Variants in MFHAS1 observed in about 807,000 individuals in gnomAD.
The protein encoded by MFHAS1 is multifunctional ROCO family signaling regulator 1, also known as malignant fibrous histiocytoma-amplified sequence 1.
In MFHAS1, 50 loss-of-function variants were observed where a neutral mutation model predicts 70.4. That is an observed-to-expected ratio of 0.71 (90% CI 0.57 to 0.90). The LOEUF is 0.90. Ranked by LOEUF, MFHAS1 falls within the 40% of genes least tolerant of loss-of-function variation. The pLI is 0.00. For synonymous variants in MFHAS1, 952 were observed against 620.0 expected (o/e 1.54, Z -7.96); for missense variants, 1,795 against 1,347.6 (o/e 1.33, Z -5.20).
chr8:8,828,137 G>A lies in MFHAS1; in HGVS notation c.2999-30646C>T, dbSNP rs564371392. ...TGACATATGCCCTACCTTCGAGAAT[G>A]TTTCAGTGAATGATGCTGATGCAAA... is the stretch of plus-strand genomic sequence containing the variant. On this transcript the variant is annotated intron_variant, in intron 1 of 2. Coordinates refer to ENST00000276282, the MANE Select transcript of MFHAS1 (RefSeq NM_004225.3). 7.8e-4 allele frequency among the ~76,000 whole-genome samples: 118 copies of A among 152,222 alleles called. 2 individuals carry two copies. The highest frequency in any genetic ancestry group is 2.1e-3 in the African/African-American group (88 of 41,530).
intron 1 of MFHAS1, among the ~76,000 whole-genome samples, chr8:8,817,362 C>T (rs987027975): frequency 1.3e-5 from 2 of 152,178 alleles, no homozygotes; most frequent in African/African-American, 2.4e-5. Context: ...AGAGGTAATT[C>T]GCTTAATAAA....
At chr8:8,833,342 G>A (rs1227665734) in intron 1 of MFHAS1, among the ~76,000 whole-genome samples, 1 of 152,204 alleles carries the variant, frequency 6.6e-6, no homozygotes, top group Non-Finnish European at 1.5e-5. Context: ...TATAAAGCTA[G>A]ACATGGGCTG....
In MFHAS1 at chr8:8,892,305, A is replaced by T. The variant is rs762136884; in HGVS notation, c.754T>A (p.Leu252Met). 1.2e-5 allele frequency: 19 copies of T among 1,611,984 alleles called. No homozygotes were observed. The highest frequency in any genetic ancestry group is 3.3e-4 in the Middle Eastern group (2 of 6,076). The change falls in exon 1 of 3, where the codon TTG becomes ATG. Residue 252 changes from leucine (L) to methionine (M), a missense_variant. Physicochemically the swap from Leu to Met is conservative, Grantham distance 15 (BLOSUM62 2). Transcript: ENST00000276282. This position sits in a 1 kb window ranked among gnomAD's most constrained non-coding sequence, Gnocchi z 4.7. The part of the protein sequence containing the change: ...LPAGFCELAS[L>M]ESLMLDNNGL... ...TTGTTGTCTAGCATGAGGCTCTCCA[A>T]ACTGGCCAGCTCGCAGAAGCCGGCG...
chr8:8,803,106 T>A (rs1585023545), intron 1 of MFHAS1, among the ~76,000 whole-genome samples: 1 of 152,312 alleles, frequency 6.6e-6, no homozygotes, highest in Non-Finnish European at 1.5e-5. Context: ...GGATGTTGCA[T>A]TCTTCCTGTG....
intron 1 of MFHAS1, among the ~76,000 whole-genome samples, chr8:8,836,821 C>T (rs1807613514): frequency 6.6e-6 from 1 of 152,160 alleles, no homozygotes. Context: ...ATTCTGATTC[C>T]CTTTCCCATC....
chr8:8,791,355 C>T (rs1056765814), intron 2 of MFHAS1, among the ~76,000 whole-genome samples: 2 of 152,102 alleles, frequency 1.3e-5, no homozygotes, highest in Non-Finnish European at 2.9e-5. Flanking sequence ...GAATGTGGGT[C>T]GCATTCCAGT....
intron 1 of MFHAS1, among the ~76,000 whole-genome samples, chr8:8,830,485 T>C (rs1161804364): frequency 3.3e-5 from 5 of 152,188 alleles, no homozygotes; most frequent in Admixed American, 3.3e-4. Flanking sequence ...GGTTATTAAA[T>C]TTAAATAGGA....
intron 2 of MFHAS1, among the ~76,000 whole-genome samples, chr8:8,790,650 C>A (rs562247545): frequency 6.6e-6 from 1 of 152,260 alleles, no homozygotes; most frequent in South Asian, 2.1e-4. Context: ...CCATCCTCAC[C>A]CTCTATATTT....
chr8:8,865,569 G>A (rs142812474), intron 1 of MFHAS1, among the ~76,000 whole-genome samples: 45 of 152,264 alleles, frequency 3.0e-4, no homozygotes, highest in Admixed American at 1.0e-3. Flanking sequence ...AGCAACAGAT[G>A]ACACTTGACA....
intron 1 of MFHAS1, among the ~76,000 whole-genome samples, chr8:8,840,863 T>G (rs1224470554): frequency 6.6e-6 from 1 of 152,202 alleles, no homozygotes; most frequent in Non-Finnish European, 1.5e-5. Context: ...CTTTTTAAAG[T>G]ACTACAGGAT....
chr8:8,813,475 C>A (rs906209126), intron 1 of MFHAS1, among the ~76,000 whole-genome samples: 9 of 152,200 alleles, frequency 5.9e-5, no homozygotes, highest in South Asian at 2.1e-4. Flanking sequence ...TCTTCCAGTG[C>A]GACAAGATGT....
chr8:8,800,624 G>A (rs566338730), intron 1 of MFHAS1, among the ~76,000 whole-genome samples: 1 of 152,134 alleles, frequency 6.6e-6, no homozygotes, highest in African/African-American at 2.4e-5. Flanking sequence ...TCTTACTTCT[G>A]AGACTGCCCT....
At chr8:8,877,313 A>AAAAAAAC (rs1809335847) in intron 1 of MFHAS1, among the ~76,000 whole-genome samples, 1 of 151,374 alleles carries the variant, frequency 6.6e-6, no homozygotes, top group Non-Finnish European at 1.5e-5. Flanking sequence ...AAAAAAAAAA[A>AAAAAAAC]AAAAAAACTA....
chr8:8,796,953 A>G (rs112055296), intron 2 of MFHAS1, among the ~76,000 whole-genome samples: 31,890 of 148,280 alleles, frequency 0.22, 3,720 homozygotes, highest in African/African-American at 0.3. Context: ...CCGAGATCGC[A>G]CCACTGCACT....
intron 1 of MFHAS1, among the ~76,000 whole-genome samples, chr8:8,819,769 G>A (rs1806884538): frequency 1.3e-5 from 2 of 152,110 alleles, no homozygotes; most frequent in African/African-American, 4.8e-5. Flanking sequence ...TATGATCACA[G>A]CTCATTGCAG....
At chr8:8,822,048 A>C (rs1806975240) in intron 1 of MFHAS1, 1 of 152,312 alleles carries the variant, frequency 6.6e-6, no homozygotes, top group African/African-American at 2.4e-5. Context: ...ACGAGATGCT[A>C]TACGCAAGTG....
chr8:8,832,054 G>A (rs1352065298), intron 1 of MFHAS1, among the ~76,000 whole-genome samples: 6,431 of 112,568 alleles, frequency 0.057, 177 homozygotes, highest in Middle Eastern at 0.077. Flanking sequence ...ATGCACGCGC[G>A]CGCGCGCGCA....
chr8:8,884,537 C>A (rs919351608), intron 1 of MFHAS1, among the ~76,000 whole-genome samples: 4 of 152,100 alleles, frequency 2.6e-5, no homozygotes, highest in African/African-American at 7.2e-5. Flanking sequence ...AAGGGTAAGA[C>A]CAGTCATAGA....
At chr8:8,884,311 G>C (rs993337708) in intron 1 of MFHAS1, among the ~76,000 whole-genome samples, 6 of 152,034 alleles carry the variant, frequency 3.9e-5, no homozygotes, top group African/African-American at 1.4e-4. Context: ...AAGTCCCAGG[G>C]AGTTCAGAGG....
Sources: allele counts gnomAD v4.1 joint callset (sites outside exome capture counted in the v4.1 genomes callset), GRCh38; gene constraint gnomAD v4.1.1; non-coding constraint Gnocchi (gnomAD v3.1); transcripts MANE v1.5; gene names NCBI Gene and HGNC (gene_info 2026-07-23, HGNC 2026-07-21).